The following PCDHGC4 variants were observed in gnomAD, a reference collection of about 807,000 sequenced individuals.
PCDHGC4 encodes protocadherin gamma-C4.
PCDHGC4 carries 15 observed loss-of-function variants against 59.7 expected under a neutral mutation model. The observed-to-expected ratio is 0.25, with a 90% CI of 0.17 to 0.39. The LOEUF is 0.39. Ranked by LOEUF, PCDHGC4 falls within the 10% of genes least tolerant of loss-of-function variation. The pLI, the probability that PCDHGC4 is intolerant of heterozygous loss-of-function variation, is 1.00. For synonymous variants in PCDHGC4, 434 were observed against 481.4 expected, an observed-to-expected ratio of 0.90 and a Z score of 1.29; for missense variants, 1,016 against 1,189.5, an observed-to-expected ratio of 0.85 and a Z score of 2.15.
In PCDHGC4 at chr5:141,506,418, G is replaced by A. The variant is rs2099853241; in HGVS notation, c.2590+937G>A. Among the ~76,000 whole-genome samples, 3 of 141,160 alleles carry A rather than the reference G, an allele frequency of 2.1e-5. No homozygotes were observed. The South Asian group carries it at 6.6e-4, about 31-fold the overall frequency. 92.6% of individuals were successfully genotyped at this position (141,160 alleles called of 152,430 possible). The stretch of plus-strand genomic sequence containing the variant: ...CAGAAAATCGCACCACTGCACTCCA[G>A]CCTGGGCAACAGTCTCGCTCTGTCT... On this transcript the variant is annotated intron_variant, in intron 3 of 3. Coordinates refer to ENST00000306593, the MANE Select transcript of PCDHGC4 (RefSeq NM_018928.3).
In PCDHGC4 at chr5:141,485,216, G is replaced by C. The variant is rs757059807; in HGVS notation, c.43G>C (p.Ala15Pro). Residue 15 changes from alanine (A) to proline (P), a missense_variant, in exon 1 of 4, where the codon GCT becomes CCT. By Grantham distance (27) the Ala-to-Pro change is conservative. Transcript: ENST00000306593. The surrounding 1 kb of genome is among the most constrained non-coding windows in gnomAD (Gnocchi z 5.7). Reference protein sequence around the residue: ...VRSWTEIWRWATLLFLFYHLG... With the variant: ...VRSWTEIWRWPTLLFLFYHLG... ...AAGCTGGACAGAAATCTGGCGGTGG[G>C]CTACCCTTTTGTTCCTCTTTTACCA... 2.5e-6 allele frequency: 4 copies of C among 1,614,144 alleles called. No homozygotes were observed. In the South Asian group the frequency reaches 4.4e-5, roughly 18 times the overall value.
chr5:141,490,640 G>C lies in PCDHGC4; in HGVS notation c.2442+3025G>C, dbSNP rs774630488. 1 of 1,614,122 alleles carries C rather than the reference G, an allele frequency of 6.2e-7. No individual in the cohort carries two copies. The highest frequency in any genetic ancestry group is 8.5e-7 in the Non-Finnish European group (1 of 1,180,012). On this transcript the variant is annotated intron_variant, in intron 1 of 3. Coordinates refer to ENST00000306593, the MANE Select transcript of PCDHGC4 (RefSeq NM_018928.3). This position sits in a 1 kb window ranked among gnomAD's most constrained non-coding sequence, Gnocchi z 5.4. The stretch of plus-strand genomic sequence containing the variant: ...TACACTGCTTACATCCTAGAAAACC[G>C]GCCTCCGGGCTCCCTTCTTTGCACT...
rs1281778338 is a variant in PCDHGC4, at chr5:141,512,281, G to A, written c.*1108G>A. ...TGGGTACTCCAGAGGTGCCACTGGTGGAAGGGTCAGCGGAGCCCCAGCAGG... is the reference window on the plus strand; with the variant it reads ...TGGGTACTCCAGAGGTGCCACTGGTAGAAGGGTCAGCGGAGCCCCAGCAGG... On this transcript the variant is annotated 3_prime_UTR_variant, in exon 4 of 4. Transcript: ENST00000306593. 6.5e-6 allele frequency: 1 copy of A among 152,810 alleles called. No homozygotes were observed. Among genetic ancestry groups the A allele is most frequent in the Non-Finnish European group, 1.5e-5 (1 of 68,178 alleles). The allele number at this position is 152,810 out of a possible 1,614,324, so 9.5% of individuals were successfully genotyped here.
In PCDHGC4 at chr5:141,511,149, G is replaced by T; in HGVS notation, c.2793G>T (p.Lys931Asn). The change falls in exon 4 of 4, where the codon AAG becomes AAT. Residue 931 changes from lysine to asparagine, a missense_variant. By Grantham distance (94) the Lys-to-Asn change is moderately conservative. Transcript: ENST00000306593. ...APAGGNGNKKKSGKKEKK is the reference protein window; with the variant it reads ...APAGGNGNKKNSGKKEKK The stretch of plus-strand genomic sequence containing the variant: ...CAGGTGGCAATGGCAACAAGAAGAA[G>T]TCGGGCAAGAAGGAGAAGAAGTAAC... 1 of 1,614,176 alleles carries T rather than the reference G, an allele frequency of 6.2e-7. No homozygotes were observed. The highest frequency in any genetic ancestry group is 8.5e-7 in the Non-Finnish European group (1 of 1,179,998).
At chr5:141,492,168 A>C (rs1426223836) in intron 1 of PCDHGC4, among the ~76,000 whole-genome samples, 1 of 152,108 alleles carries the variant, frequency 6.6e-6, no homozygotes, top group African/African-American at 2.4e-5. Context: ...CTATCCCCGC[A>C]TCACCCAACC....
rs370237298 is a variant in PCDHGC4 at position 141,487,298 on chromosome 5, G to A, written c.2125G>A (p.Val709Met). ...AICFVSFGSF[V>M]ALLSKCLRGA... ...TTGCTTTGTCTCCTTTGGCTCATTCGTGGCACTACTCTCTAAGTGTCTTCG... is the reference window on the plus strand; with the variant it reads ...TTGCTTTGTCTCCTTTGGCTCATTCATGGCACTACTCTCTAAGTGTCTTCG... Residue 709 changes from valine (V) to methionine (M), a missense_variant, in exon 1 of 4, where the codon GTG (valine) becomes ATG (methionine). Coordinates refer to ENST00000306593, the MANE Select transcript of PCDHGC4 (RefSeq NM_018928.3). The surrounding 1 kb of genome is among the most constrained non-coding windows in gnomAD (Gnocchi z 5.0). The A allele has an allele frequency of 3.2e-5, 51 of 1,614,072 alleles. 1 individual carries two copies. Among genetic ancestry groups the A allele is most frequent in the South Asian group, 5.5e-5 (5 of 91,082 alleles).
intron 2 of PCDHGC4, among the ~76,000 whole-genome samples, chr5:141,500,779 T>C (rs1222392685): frequency 1.3e-5 from 2 of 152,238 alleles, no homozygotes; most frequent in Non-Finnish European, 2.9e-5. Context: ...TGAATATACA[T>C]ATTATTTTAC....
rs2154591169 is a variant in PCDHGC4 at position 141,493,606 on chromosome 5, T to A, written c.2443-1201T>A. Among the ~76,000 whole-genome samples, 1 of 152,278 alleles carries A rather than the reference T, an allele frequency of 6.6e-6. No homozygotes were observed. Among genetic ancestry groups the A allele is most frequent in the Non-Finnish European group, 1.5e-5 (1 of 68,022 alleles). ...ACAATCACTGCATTTCCATGTAGAT[T>A]CTGCTGTGTCTAAGAATACAGTGGC... On this transcript the variant is annotated intron_variant, in intron 1 of 3. Transcript: ENST00000306593. This position sits in a 1 kb window ranked among gnomAD's most constrained non-coding sequence, Gnocchi z 4.3.
chr5:141,500,433 T>A (rs1398344932), intron 2 of PCDHGC4, among the ~76,000 whole-genome samples: 17 of 151,882 alleles, frequency 1.1e-4, no homozygotes, highest in East Asian at 7.8e-4. Flanking sequence ...ATGGTCTCGA[T>A]CTCCTGACCT....
At position 141,511,983 on chromosome 5, in the gene PCDHGC4, G is replaced by A. The variant is rs904146751; in HGVS notation, c.*810G>A. 6.5e-6 allele frequency: 1 copy of A among 153,280 alleles called. No homozygotes were observed. The highest frequency in any genetic ancestry group is 1.5e-5 in the Non-Finnish European group (1 of 68,572). The allele number at this position is 153,280 out of a possible 1,614,324, so 9.5% of individuals were successfully genotyped here. A position where few individuals can be genotyped will look rare whatever the true frequency, so the allele number is the denominator to read the frequency against. ...AGGGAAGTGTGTGGATGTGGATGGT[G>A]GGGGCATGGACAAAGCTTGACACAT... On this transcript the variant is annotated 3_prime_UTR_variant, in exon 4 of 4. Coordinates refer to ENST00000306593, the MANE Select transcript of PCDHGC4 (RefSeq NM_018928.3).
intron 2 of PCDHGC4, among the ~76,000 whole-genome samples, chr5:141,499,102 C>T (rs1172661012): frequency 1.3e-5 from 2 of 152,170 alleles, no homozygotes; most frequent in Admixed American, 6.5e-5. Context: ...TGCTTCTCCT[C>T]CCCACCACTA....
chr5:141,487,591 C>T lies in PCDHGC4; in HGVS notation c.2418C>T (p.Pro806=). 8 of 1,614,176 alleles carry T rather than the reference C, an allele frequency of 5.0e-6. No homozygotes were observed. The highest frequency in any genetic ancestry group is 6.8e-6 in the Non-Finnish European group (8 of 1,180,036). The change falls in exon 1 of 4, where the codon CCC becomes CCT. Residue 806 remains proline (P), a synonymous_variant. Coordinates refer to ENST00000306593, the MANE Select transcript of PCDHGC4 (RefSeq NM_018928.3). The surrounding 1 kb of genome is among the most constrained non-coding windows in gnomAD (Gnocchi z 5.0). ...AGEPVRPSCP[P]SDLLYGLEQA... is the part of the protein sequence containing the mutation. ...AGCCTGTTCGCCCAAGCTGCCCACC[C>T]TCTGATCTTCTCTATGGGCTAGAGG...
At chr5:141,501,319 A>G (rs2099807834) in intron 2 of PCDHGC4, among the ~76,000 whole-genome samples, 1 of 151,710 alleles carries the variant, frequency 6.6e-6, no homozygotes, top group Non-Finnish European at 1.5e-5. Context: ...ACACACACAC[A>G]CACACACACA....
intron 2 of PCDHGC4, among the ~76,000 whole-genome samples, chr5:141,497,578 T>C (rs2099778035): frequency 1.3e-5 from 2 of 150,806 alleles, no homozygotes; most frequent in South Asian, 4.2e-4. Context: ...CTTGCTCTGT[T>C]GCCCAAGCTG....
At chr5:141,501,334 C>CA (rs2099808390) in intron 2 of PCDHGC4, among the ~76,000 whole-genome samples, 1 of 145,376 alleles carries the variant, frequency 6.9e-6, no homozygotes, top group Non-Finnish European at 1.5e-5. Flanking sequence ...CACACACACA[C>CA]CCCAAACTCA....
chr5:141,500,400 G>A (rs2099799942), intron 2 of PCDHGC4, among the ~76,000 whole-genome samples: 1 of 151,666 alleles, frequency 6.6e-6, no homozygotes, highest in East Asian at 1.9e-4. Context: ...TAGTAGAGAC[G>A]GGGTTTCACC....
At chr5:141,495,852 TCTCA>T (rs1473070626) in intron 2 of PCDHGC4, among the ~76,000 whole-genome samples, 1 of 152,174 alleles carries the variant, frequency 6.6e-6, no homozygotes, top group Non-Finnish European at 1.5e-5. Flanking sequence ...TTTCTCTGTC[TCTCA>T]CTATTTCTGC....
chr5:141,511,373 G>T lies in PCDHGC4; in HGVS notation c.*200G>T. On this transcript the variant is annotated 3_prime_UTR_variant, in exon 4 of 4. Transcript: ENST00000306593. ...CCCCCAGGGGGTTGAATATGCAAAA[G>T]CAGTTCCGCTGGGAACCCCCATCCA... 8.0e-7 allele frequency: 1 copy of T among 1,251,332 alleles called. No homozygotes were observed. The highest frequency in any genetic ancestry group is 1.6e-5 in the South Asian group (1 of 63,796). The allele number at this position is 1,251,332 out of a possible 1,614,324, so 77.5% of individuals were successfully genotyped here.
chr5:141,505,633 A>C, intron 3 of PCDHGC4, 152 bp downstream of exon 3: 3 of 1,471,286 alleles, frequency 2.0e-6, no homozygotes, highest in South Asian at 1.3e-5. Context: ...TCCAAACATA[A>C]AGCCTGGAAT....
Sources: allele counts gnomAD v4.1 joint callset (sites outside exome capture counted in the v4.1 genomes callset), GRCh38; gene constraint gnomAD v4.1.1; non-coding constraint Gnocchi (gnomAD v3.1); transcripts MANE v1.5; gene names NCBI Gene and HGNC (gene_info 2026-07-23, HGNC 2026-07-21).